Variants in GUCY2F observed in about 807,000 individuals in gnomAD.
The protein encoded by GUCY2F is retinal guanylyl cyclase 2.
Under a neutral mutation model 73.1 loss-of-function variants are expected in GUCY2F, and 61 were observed. The ratio of observed to expected loss-of-function variants is 0.83; its 90% CI spans 0.68 to 1.03. The LOEUF (loss-of-function observed/expected upper bound fraction) is 1.03. Ranked by LOEUF, GUCY2F falls within the 50% of genes least tolerant of loss-of-function variation. The pLI is 0.00. For missense variants in GUCY2F, 912 were observed against 854.3 expected, an observed-to-expected ratio of 1.07 and a Z score of -0.84; for synonymous variants, 331 against 307.8, an observed-to-expected ratio of 1.08 and a Z score of -0.79.
At position 109,465,203 on chromosome X, in the gene GUCY2F, TAGA is replaced by T. The variant is rs1277274483; in HGVS notation, c.968_970del (p.Phe323del). 8.3e-7 allele frequency: 1 copy of T among 1,209,934 alleles called. No homozygotes were observed. The highest frequency in any genetic ancestry group is 1.1e-6 in the Non-Finnish European group (1 of 893,712). On this transcript the variant is annotated inframe_deletion, in exon 3 of 20. Coordinates refer to ENST00000218006, the MANE Select transcript of GUCY2F (RefSeq NM_001522.3). The stretch of plus-strand genomic sequence containing the variant: ...TGCTGCTGCCTCTGTGAAGGCTTGA[TAGA>T]AGGTCTTTTCTTGGGACTCCACTGT...
At chrX:109,417,086 C>T (rs1931263547) in intron 8 of GUCY2F, among the ~76,000 whole-genome samples, 1 of 110,668 alleles carries the variant, frequency 9.0e-6, no homozygotes, top group East Asian at 2.8e-4. Flanking sequence ...CATCAGCAGG[C>T]CTGCAATACA....
intron 17 of GUCY2F, among the ~76,000 whole-genome samples, chrX:109,377,196 T>C (rs1332096289): frequency 1.8e-5 from 2 of 111,397 alleles, no homozygotes; most frequent in Non-Finnish European, 3.8e-5. Flanking sequence ...ATTTTGCAAA[T>C]ATTTGATTCA....
chrX:109,402,926 C>G (rs185987010), intron 10 of GUCY2F, among the ~76,000 whole-genome samples: 58 of 111,853 alleles, frequency 5.2e-4, no homozygotes, highest in Admixed American at 3.9e-3. Context: ...CTCTCTCTCT[C>G]TGTGTGTCTT....
chrX:109,446,445 G>C (rs1285531823), intron 6 of GUCY2F, among the ~76,000 whole-genome samples: 2 of 111,393 alleles, frequency 1.8e-5, no homozygotes, highest in African/African-American at 6.6e-5. Context: ...CAATGGAACA[G>C]AACAGAGCCC....
chrX:109,432,126 G>C (rs1931631259), intron 7 of GUCY2F, among the ~76,000 whole-genome samples: 1 of 111,470 alleles, frequency 9.0e-6, no homozygotes, highest in East Asian at 2.8e-4. Flanking sequence ...AACGAAATCA[G>C]AAATCGTAGT....
intron 10 of GUCY2F, among the ~76,000 whole-genome samples, chrX:109,399,083 G>A (rs1039675714): frequency 8.9e-6 from 1 of 112,390 alleles, no homozygotes; most frequent in Non-Finnish European, 1.9e-5. Context: ...AGATCTATAT[G>A]TGTCTGGTAA....
intron 6 of GUCY2F, among the ~76,000 whole-genome samples, chrX:109,446,303 C>G (rs1932006597): frequency 9.0e-6 from 1 of 111,587 alleles, no homozygotes; most frequent in East Asian, 2.8e-4. Context: ...CCAAAAAAGA[C>G]CCTGCATTGC....
At chrX:109,480,863 A>G (rs1932759851) in intron 1 of GUCY2F, among the ~76,000 whole-genome samples, 1 of 109,233 alleles carries the variant, frequency 9.2e-6, no homozygotes, top group African/African-American at 3.3e-5. Flanking sequence ...CCCCCAACTC[A>G]AGATTTTACA....
chrX:109,414,247 C>T (rs1021914890), intron 8 of GUCY2F, among the ~76,000 whole-genome samples: 7 of 111,967 alleles, frequency 6.3e-5, no homozygotes, highest in African/African-American at 1.9e-4. Context: ...GCTGGGATTA[C>T]AGGCACGAGA....
intron 8 of GUCY2F, among the ~76,000 whole-genome samples, chrX:109,428,733 T>C (rs937569550): frequency 6.2e-5 from 7 of 112,039 alleles, no homozygotes; most frequent in African/African-American, 1.9e-4. Context: ...CTGAAGTATT[T>C]AGAGGTAAAA....
In GUCY2F at chrX:109,479,218, T is replaced by C. The variant is rs1440552281; in HGVS notation, c.-86+2648A>G. Among the ~76,000 whole-genome samples, 5 of 112,332 alleles carry C rather than the reference T, an allele frequency of 4.5e-5. No individual in the cohort carries two copies. In the Admixed American group the frequency reaches 4.7e-4, roughly 11 times the overall value. ...TCTTTGAGAATGGAAATCTTGAGGG[T>C]ACACCCTTCAGCATATTAGCCCCAA... On this transcript the variant is annotated intron_variant, in intron 1 of 19. Coordinates refer to ENST00000218006, the MANE Select transcript of GUCY2F (RefSeq NM_001522.3).
intron 8 of GUCY2F, among the ~76,000 whole-genome samples, chrX:109,416,413 T>TA (rs772042056): frequency 1.7e-4 from 19 of 110,223 alleles, no homozygotes; most frequent in African/African-American, 5.9e-4. Context: ...ATAACTGAAG[T>TA]AAAAAAATTT....
rs746194191 is a variant in GUCY2F at position 109,395,466 on chromosome X, G to A, written c.2299C>T (p.Pro767Ser). ...ACTACTGGTCTGTACACAGGAGGAGGCTTCTTAAGTCTGTTTATGATTTCT... is the reference window on the plus strand; with the variant it reads ...ACTACTGGTCTGTACACAGGAGGAGACTTCTTAAGTCTGTTTATGATTTCT... The part of the protein sequence containing the change: ...AQEIINRLKK[P>S]PPVYRPVVPP... Residue 767 changes from proline (P) to serine (S), a missense_variant, in exon 12 of 20, where the codon CCT becomes TCT. Physicochemically the swap from Pro to Ser is moderately conservative, Grantham distance 74 (BLOSUM62 -1). Transcript: ENST00000218006. 1 of 1,201,005 alleles carries A rather than the reference G, an allele frequency of 8.3e-7. No homozygotes were observed.
chrX:109,445,738 A>C (rs1931988934), intron 6 of GUCY2F, among the ~76,000 whole-genome samples: 1 of 111,036 alleles, frequency 9.0e-6, no homozygotes, highest in Admixed American at 9.6e-5. Flanking sequence ...CTCTCTCACC[A>C]CTCCTATTCA....
At chrX:109,421,037 T>C (rs1276155167) in intron 8 of GUCY2F, among the ~76,000 whole-genome samples, 1 of 111,109 alleles carries the variant, frequency 9.0e-6, no homozygotes, top group Non-Finnish European at 1.9e-5. Flanking sequence ...CACCAATTAA[T>C]AGAGAAATGA....
In GUCY2F at chrX:109,454,922, A is replaced by G. The variant is rs750978467; in HGVS notation, c.1033-1063T>C. ...GCTACTTTGGTTTCACAAGATCTAG[A>G]AAGCTAAGCTCCTGTAACAACCTTC... On this transcript the variant is annotated intron_variant, in intron 3 of 19. Transcript: ENST00000218006. Among the ~76,000 whole-genome samples the G allele has an allele frequency of 4.1e-4, 46 of 111,608 alleles. 1 individual carries two copies. The highest frequency in any genetic ancestry group is 1.3e-3 in the African/African-American group (41 of 30,748).
intron 3 of GUCY2F, among the ~76,000 whole-genome samples, chrX:109,461,609 T>C (rs1932362746): frequency 8.9e-6 from 1 of 112,038 alleles, no homozygotes; most frequent in Non-Finnish European, 1.9e-5. Context: ...CAATGAGTGA[T>C]GTGCTAGTAA....
intron 8 of GUCY2F, among the ~76,000 whole-genome samples, chrX:109,416,007 G>A (rs1282816648): frequency 9.0e-6 from 1 of 111,407 alleles, no homozygotes; most frequent in African/African-American, 3.3e-5. Flanking sequence ...AGCAGAAATG[G>A]AGGTAGAACT....
At chrX:109,425,476 AG>A (rs770909694) in intron 8 of GUCY2F, among the ~76,000 whole-genome samples, 10 of 109,351 alleles carry the variant, frequency 9.1e-5, no homozygotes, top group Non-Finnish European at 9.5e-5. Flanking sequence ...AGCCATGAAA[AG>A]GAATGAATTA....
Sources: gnomAD v4.1 joint callset for allele counts (sites outside exome capture counted in the v4.1 genomes callset) on GRCh38, gnomAD v4.1.1 for gene constraint, MANE v1.5 for transcripts, NCBI Gene and HGNC (gene_info 2026-07-23, HGNC 2026-07-21) for gene names.